LMTK3: variants seen among roughly 807,000 people sequenced by gnomAD.
LMTK3 encodes the protein serine/threonine-protein kinase LMTK3.
LMTK3 carries 27 observed loss-of-function variants against 116.7 expected under a neutral mutation model. That is an observed-to-expected ratio of 0.23 (90% CI 0.17 to 0.32). The LOEUF (loss-of-function observed/expected upper bound fraction) is 0.32. Ranked by LOEUF, LMTK3 falls within the 10% of genes least tolerant of loss-of-function variation. LMTK3 has a pLI of 1.00. For synonymous variants in LMTK3, 965 were observed against 971.0 expected (o/e 0.99, Z 0.11); for missense variants, 1,764 against 2,068.5 (o/e 0.85, Z 2.86).
chr19:48,488,659 C>T (rs149641234), intron 14 of LMTK3, among the ~76,000 whole-genome samples: 6 of 152,240 alleles, frequency 3.9e-5, no homozygotes, highest in South Asian at 2.1e-4. Flanking sequence ...TGCAAGCTGT[C>T]CCCTCTGCCA....
At chr19:48,505,067 C>T (rs1263928363) in intron 5 of LMTK3, among the ~76,000 whole-genome samples, 1 of 133,848 alleles carries the variant, frequency 7.5e-6, no homozygotes, top group Non-Finnish European at 1.6e-5. Context: ...TGGTATTTGT[C>T]ATTCTCTGAC....
chr19:48,499,775 G>A lies in LMTK3; in HGVS notation c.1294C>T (p.Pro432Ser), dbSNP rs776903681. ...PPPPPRDGPF[P>S]WPWPPAHSAP... ...CTGTGTGCAGGGGGCCAGGGCCAGGGGAAGGGACCGTCTCGGGGTGGGGGT... is the reference window on the plus strand; with the variant it reads ...CTGTGTGCAGGGGGCCAGGGCCAGGAGAAGGGACCGTCTCGGGGTGGGGGT... The change falls in exon 11 of 15, where the codon CCC becomes TCC. Residue 432 changes from proline (P) to serine (S), a missense_variant. By Grantham distance (74) the Pro-to-Ser change is moderately conservative. Transcript: ENST00000600059. 31 of 1,534,352 alleles carry A rather than the reference G, an allele frequency of 2.0e-5. 1 individual carries two copies. The South Asian group carries it at 3.4e-4, about 17-fold the overall frequency.
chr19:48,498,950 C>G lies in LMTK3; in HGVS notation c.2119G>C (p.Asp707His), dbSNP rs1259475726. ...ALGCPHPPED[D>H]SSLRAERGSL... ...CCCCGCTCTGCCCGCAGCGAGGAGT[C>G]GTCCTCGGGGGGGTGGGGGCAGCCA... is the stretch of plus-strand genomic sequence containing the variant. Residue 707 changes from aspartate (D) to histidine (H), a missense_variant, in exon 11 of 15, where the codon GAC (aspartate) becomes CAC (histidine). Physicochemically the swap from Asp to His is moderately conservative, Grantham distance 81. This residue lies in a region of LMTK3 where 1,028 missense variants were observed against 1,050.6 expected (regional missense o/e 0.98). Transcript: ENST00000600059. The G allele has an allele frequency of 3.7e-5, 48 of 1,282,180 alleles. No individual in the cohort carries two copies. The highest frequency in any genetic ancestry group is 4.6e-5 in the Non-Finnish European group (47 of 1,017,540). 79.4% of individuals were successfully genotyped at this position (1,282,180 alleles called of 1,614,324 possible). A position where few individuals can be genotyped will look rare whatever the true frequency, so the allele number is the denominator to read the frequency against.
intron 2 of LMTK3, 102 bp from the exon 3 acceptor site, chr19:48,510,275 T>C: frequency 6.9e-7 from 1 of 1,441,396 alleles, no homozygotes. Flanking sequence ...TGTAACTGTC[T>C]CCCAGTCCCA....
chr19:48,493,342 C>A (rs1972259391), intron 12 of LMTK3, among the ~76,000 whole-genome samples: 1 of 147,640 alleles, frequency 6.8e-6, no homozygotes, highest in African/African-American at 2.5e-5. Context: ...CCCCCCAGCC[C>A]GCCCTCTCCC....
intron 14 of LMTK3, among the ~76,000 whole-genome samples, chr19:48,490,817 A>C (rs1569099155): frequency 6.6e-6 from 1 of 152,148 alleles, no homozygotes; most frequent in Admixed American, 6.5e-5. Context: ...CTGAGCCCAG[A>C]GATGGGACAA....
Position 48,491,350 on chromosome 19 carries a change from C to T in LMTK3, c.4228+54G>A. The T allele has an allele frequency of 4.4e-6, 6 of 1,350,172 alleles. No individual in the cohort carries two copies. Among genetic ancestry groups the T allele is most frequent in the Non-Finnish European group, 5.7e-6 (6 of 1,047,674 alleles). The allele number at this position is 1,350,172 out of a possible 1,614,324, so 83.6% of individuals were successfully genotyped here. A position where few individuals can be genotyped will look rare whatever the true frequency, so the allele number is the denominator to read the frequency against. The stretch of plus-strand genomic sequence containing the variant: ...AGCCCCTCCCACCCCATAGACCCCG[C>T]CCCGTCCGCCCCATGGCTCCCGCCC... On this transcript the variant is annotated intron_variant, in intron 13 of 14. Coordinates refer to ENST00000600059, the MANE Select transcript of LMTK3 (RefSeq NM_001388485.1). This position sits in a 1 kb window ranked among gnomAD's most constrained non-coding sequence, Gnocchi z 5.1.
Position 48,501,333 on chromosome 19 carries a change from C to T in LMTK3, c.951G>A (p.Glu317=). 6.2e-7 allele frequency: 1 copy of T among 1,613,516 alleles called. No individual in the cohort carries two copies. The highest frequency in any genetic ancestry group is 1.6e-4 in the Middle Eastern group (1 of 6,062). The change falls in exon 9 of 15, where the codon GAG becomes GAA. Residue 317 remains glutamate, a synonymous_variant. Coordinates refer to ENST00000600059, the MANE Select transcript of LMTK3 (RefSeq NM_001388485.1). ...CCACCACCATGAAGGTCCCGTGGAGCTCCCCGAGGAGCTCGGGCGCCGCCC... is the reference window on the plus strand; with the variant it reads ...CCACCACCATGAAGGTCCCGTGGAGTTCCCCGAGGAGCTCGGGCGCCGCCC... The part of the protein sequence containing the change: ...LRWAAPELLG[E]LHGTFMVVDQ...
chr19:48,510,218 A>G, intron 2 of LMTK3, 45 bp from the exon 3 acceptor site: 1 of 1,583,116 alleles, frequency 6.3e-7, no homozygotes, highest in Non-Finnish European at 8.6e-7. Context: ...CGCAGGGCTG[A>G]GAGACACGCC....
In LMTK3 at chr19:48,498,423, G is replaced by T. The variant is rs1569103001; in HGVS notation, c.2646C>A (p.Ala882=). 1.2e-6 allele frequency: 2 copies of T among 1,607,684 alleles called. No individual in the cohort carries two copies. The highest frequency in any genetic ancestry group is 1.7e-6 in the Non-Finnish European group (2 of 1,177,222). ...RNLLGEKGAT[A]RETGPRKAGR... ...CCGCCTTCCTGGGTCCTGTCTCCCG[G>T]GCTGTCGCCCCCTTCTCCCCCAGGA... Residue 882 remains alanine (A), a synonymous_variant, in exon 11 of 15, where the codon GCC becomes GCA. Coordinates refer to ENST00000600059, the MANE Select transcript of LMTK3 (RefSeq NM_001388485.1).
At chr19:48,503,275 T>C (rs1972504554) in intron 5 of LMTK3, among the ~76,000 whole-genome samples, 1 of 152,134 alleles carries the variant, frequency 6.6e-6, no homozygotes, top group Admixed American at 6.5e-5. Context: ...CTCGAACTCC[T>C]GACCTCAAGT....
Position 48,491,907 on chromosome 19 carries a change from C to A in LMTK3, c.4093-368G>T, listed in dbSNP as rs1340052256. ...CGTCAGTCCCACCCACCTCTGAGAT[C>A]TTGACCTGCTCCAGTGGCCCTCCCA... On this transcript the variant is annotated intron_variant, in intron 12 of 14. Coordinates refer to ENST00000600059, the MANE Select transcript of LMTK3 (RefSeq NM_001388485.1). The surrounding 1 kb of genome is among the most constrained non-coding windows in gnomAD (Gnocchi z 5.1). 6.6e-6 allele frequency among the ~76,000 whole-genome samples: 1 copy of A among 151,998 alleles called. No individual in the cohort carries two copies. The highest frequency in any genetic ancestry group is 1.5e-5 in the Non-Finnish European group (1 of 67,988).
At chr19:48,510,631 T>C in intron 1 of LMTK3, 39 bp from the exon 2 acceptor site, 1 of 1,504,122 alleles carries the variant, frequency 6.6e-7, no homozygotes, top group Non-Finnish European at 8.9e-7. Flanking sequence ...CAGCTTCAAG[T>C]CCCTGGATAC....
intron 5 of LMTK3, among the ~76,000 whole-genome samples, chr19:48,503,220 G>T (rs1370048123): frequency 6.6e-6 from 1 of 152,170 alleles, no homozygotes; most frequent in Non-Finnish European, 1.5e-5. Flanking sequence ...GCTAATTTTT[G>T]TATTTTTAGT....
rs1464289369 is a variant in LMTK3, at chr19:48,494,410, A to G, written c.3677-301T>C. Among the ~76,000 whole-genome samples the G allele has an allele frequency of 6.6e-6, 1 of 151,610 alleles. No homozygotes were observed. The highest frequency in any genetic ancestry group is 2.4e-5 in the African/African-American group (1 of 41,214). On this transcript the variant is annotated intron_variant, in intron 11 of 14. Transcript: ENST00000600059. The surrounding 1 kb of genome is among the most constrained non-coding windows in gnomAD (Gnocchi z 4.0). The stretch of plus-strand genomic sequence containing the variant: ...CTCTGTCCCCACCTCCTCTGGCCTG[A>G]CCTCCATCTAGCCACATGGGCCACC...
At position 48,494,683 on chromosome 19, in the gene LMTK3, T is replaced by C. The variant is rs1569101238; in HGVS notation, c.3677-574A>G. Among the ~76,000 whole-genome samples, 1 of 152,136 alleles carries C rather than the reference T, an allele frequency of 6.6e-6. No individual in the cohort carries two copies. Among genetic ancestry groups the C allele is most frequent in the Non-Finnish European group, 1.5e-5 (1 of 68,030 alleles). On this transcript the variant is annotated intron_variant, in intron 11 of 14. Transcript: ENST00000600059. The surrounding 1 kb of genome is among the most constrained non-coding windows in gnomAD (Gnocchi z 4.0). ...CACTGGCAAATGAACAAGGGTCACT[T>C]AGCCCTCCATTACTGCATAAGTGAA... is the stretch of plus-strand genomic sequence containing the variant.
intron 11 of LMTK3, among the ~76,000 whole-genome samples, chr19:48,495,672 C>T (rs1972311525): frequency 6.6e-6 from 1 of 152,228 alleles, no homozygotes; most frequent in South Asian, 2.1e-4. Flanking sequence ...CCCACTGAGC[C>T]ACAGGCTCCT....
At chr19:48,508,761 G>A in intron 5 of LMTK3, 90 bp downstream of exon 5, 1 of 996,664 alleles carries the variant, frequency 1.0e-6, no homozygotes, top group Non-Finnish European at 1.6e-6. Flanking sequence ...ACCGGAAGAG[G>A]TAGATTCCAG....
chr19:48,493,386 C>A (rs1972260841), intron 12 of LMTK3, among the ~76,000 whole-genome samples: 2 of 139,108 alleles, frequency 1.4e-5, no homozygotes, highest in African/African-American at 6.5e-5. Flanking sequence ...GGCCCCGCCC[C>A]AGGCCCCGCC....
Sources: allele counts gnomAD v4.1 joint callset (sites outside exome capture counted in the v4.1 genomes callset), GRCh38; gene constraint gnomAD v4.1.1; regional missense constraint gnomAD v4.1.1; non-coding constraint Gnocchi (gnomAD v3.1); transcripts MANE v1.5; gene names NCBI Gene and HGNC (gene_info 2026-07-23, HGNC 2026-07-21).